The following FBXW7 variants were observed in gnomAD, a reference collection of about 807,000 sequenced individuals.
FBXW7 encodes F-box and WD repeat domain containing 7, also known as F-box/WD repeat-containing protein 7.
Under a neutral mutation model 86.3 loss-of-function variants are expected in FBXW7, and 11 were observed. The ratio of observed to expected loss-of-function variants is 0.13; its 90% CI spans 0.08 to 0.21. The LOEUF is 0.21. Ranked by LOEUF, FBXW7 falls within the 10% of genes least tolerant of loss-of-function variation. FBXW7 has a pLI of 1.00. For missense variants in FBXW7, 488 were observed against 847.4 expected (o/e 0.58, Z 5.27); for synonymous variants, 313 against 297.9 (o/e 1.05, Z -0.52).
chr4:152,407,518 G>A (rs1441611529), intron 4 of FBXW7, among the ~76,000 whole-genome samples: 8 of 152,148 alleles, frequency 5.3e-5, no homozygotes, highest in Admixed American at 5.2e-4. Flanking sequence ...GTAACTTAGA[G>A]CCCTGTTATA....
intron 2 of FBXW7, among the ~76,000 whole-genome samples, chr4:152,481,927 T>C (rs1744920323): frequency 6.6e-6 from 1 of 152,150 alleles, no homozygotes. Flanking sequence ...AACAAAGGAT[T>C]TACAATATTA....
At chr4:152,474,115 G>T (rs1409764470) in intron 2 of FBXW7, among the ~76,000 whole-genome samples, 1 of 152,174 alleles carries the variant, frequency 6.6e-6, no homozygotes, top group Admixed American at 6.5e-5. Flanking sequence ...ATAGCCCACA[G>T]AATCAGATAA....
At chr4:152,339,002 T>C (rs935668510) in intron 6 of FBXW7, among the ~76,000 whole-genome samples, 31 of 152,302 alleles carry the variant, frequency 2.0e-4, no homozygotes, top group African/African-American at 6.5e-4. Context: ...ACAACAGATA[T>C]ATTAAGGATA....
intron 2 of FBXW7, among the ~76,000 whole-genome samples, chr4:152,487,724 C>G (rs1745473676): frequency 6.6e-6 from 1 of 152,038 alleles, no homozygotes; most frequent in Admixed American, 6.6e-5. Flanking sequence ...AGTACAGATA[C>G]ATAAGCATCT....
chr4:152,363,960 CTAAGATGTT>C (rs1250062850), intron 4 of FBXW7, among the ~76,000 whole-genome samples: 9 of 152,198 alleles, frequency 5.9e-5, no homozygotes, highest in Non-Finnish European at 1.0e-4. Flanking sequence ...TTAAATATCT[CTAAGATGTT>C]TTCTTAGTTA....
chr4:152,531,004 A>G (rs961576981), intron 2 of FBXW7, among the ~76,000 whole-genome samples: 152 of 152,320 alleles, frequency 1.0e-3, no homozygotes, highest in African/African-American at 3.3e-3. Flanking sequence ...AACCATCTCC[A>G]AAGTACAATG....
At chr4:152,494,617 T>C (rs1409909753) in intron 2 of FBXW7, among the ~76,000 whole-genome samples, 1 of 152,138 alleles carries the variant, frequency 6.6e-6, no homozygotes, top group South Asian at 2.1e-4. Flanking sequence ...GAAAAATCAG[T>C]AGATTTGAGG....
intron 2 of FBXW7, among the ~76,000 whole-genome samples, chr4:152,489,111 A>C (rs1030349159): frequency 2.6e-5 from 4 of 152,110 alleles, no homozygotes; most frequent in Non-Finnish European, 5.9e-5. Flanking sequence ...GTATAGAAAC[A>C]CAGATGCATC....
chr4:152,450,098 A>G (rs1741774497), intron 2 of FBXW7, among the ~76,000 whole-genome samples: 1 of 152,246 alleles, frequency 6.6e-6, no homozygotes, highest in Admixed American at 6.5e-5. Flanking sequence ...AAAAAGATCC[A>G]GCACTGCCTC....
chr4:152,476,496 A>G (rs192592756), intron 2 of FBXW7, among the ~76,000 whole-genome samples: 154 of 152,314 alleles, frequency 1.0e-3, no homozygotes, highest in African/African-American at 3.2e-3. Flanking sequence ...TCTGTAAAAG[A>G]GATTGAAGAA....
chr4:152,403,772 GC>G (rs1737161571), intron 4 of FBXW7, among the ~76,000 whole-genome samples: 1 of 152,156 alleles, frequency 6.6e-6, no homozygotes, highest in Non-Finnish European at 1.5e-5. Context: ...CCTACCGCCC[GC>G]CTCCTGCTGT....
chr4:152,387,708 C>CTTTTTTTTTTTTTTTTTTTTTTT (rs34073737), intron 4 of FBXW7, among the ~76,000 whole-genome samples: 3 of 112,796 alleles, frequency 2.7e-5, no homozygotes, highest in African/African-American at 1.1e-4. Context: ...CATGGCATAC[C>CTTTTTTTTTTTTTTTTTTTTTTT]TTTTTTTTTT....
chr4:152,526,377 C>T (rs1428643194), intron 2 of FBXW7, among the ~76,000 whole-genome samples: 1 of 152,020 alleles, frequency 6.6e-6, no homozygotes, highest in African/African-American at 2.4e-5. Context: ...AATCAAGAAG[C>T]ATTTATTTAT....
intron 2 of FBXW7, among the ~76,000 whole-genome samples, chr4:152,485,795 A>T (rs1201456190): frequency 6.6e-6 from 1 of 152,194 alleles, no homozygotes; most frequent in Non-Finnish European, 1.5e-5. Flanking sequence ...TGCTATAAAA[A>T]TGAGGGGGCA....
At chr4:152,442,619 C>T (rs912636942) in intron 2 of FBXW7, among the ~76,000 whole-genome samples, 3 of 152,178 alleles carry the variant, frequency 2.0e-5, no homozygotes, top group African/African-American at 7.2e-5. Context: ...TGCCAGTACA[C>T]ATGTACTGAC....
chr4:152,457,062 ATCAT>A (rs1308986476), intron 2 of FBXW7, among the ~76,000 whole-genome samples: 1 of 152,256 alleles, frequency 6.6e-6, no homozygotes, highest in Non-Finnish European at 1.5e-5. Context: ...CAAAGTTTTG[ATCAT>A]TCATCCAACA....
At chr4:152,499,158 A>G (rs1746669841) in intron 2 of FBXW7, among the ~76,000 whole-genome samples, 2 of 152,182 alleles carry the variant, frequency 1.3e-5, no homozygotes, top group Admixed American at 1.3e-4. Context: ...ATGAAAGCTG[A>G]GCCTAGGACA....
At chr4:152,375,942 T>C (rs561673347) in intron 4 of FBXW7, among the ~76,000 whole-genome samples, 3 of 152,174 alleles carry the variant, frequency 2.0e-5, no homozygotes, top group African/African-American at 4.8e-5. Flanking sequence ...AAATCAACAA[T>C]AGTGAGAAAT....
intron 2 of FBXW7, among the ~76,000 whole-genome samples, chr4:152,469,000 G>C (rs774538005): frequency 2.6e-5 from 4 of 151,892 alleles, no homozygotes; most frequent in East Asian, 1.9e-4. Context: ...ACAGTAAACA[G>C]AACAGTATAA....
Sources: gnomAD v4.1 joint callset for allele counts (sites outside exome capture counted in the v4.1 genomes callset) on GRCh38, gnomAD v4.1.1 for gene constraint, MANE v1.5 for transcripts, NCBI Gene and HGNC (gene_info 2026-07-23, HGNC 2026-07-21) for gene names.